Variants in RFX4 observed in about 807,000 individuals in gnomAD.
RFX4 encodes the protein transcription factor RFX4.
RFX4 carries 10 observed loss-of-function variants against 95.0 expected under a neutral mutation model. The observed-to-expected ratio is 0.11, with a 90% CI of 0.06 to 0.18. The LOEUF (loss-of-function observed/expected upper bound fraction) is 0.18. Among genes scored for constraint, RFX4 ranks in the 10% least tolerant of loss-of-function variants. The pLI is 1.00. For synonymous variants in RFX4, 321 were observed against 340.7 expected, an observed-to-expected ratio of 0.94 and a Z score of 0.64; for missense variants, 640 against 922.0, an observed-to-expected ratio of 0.69 and a Z score of 3.96.
intron 3 of RFX4, among the ~76,000 whole-genome samples, chr12:106,647,082 G>A (rs1184746451): frequency 6.6e-6 from 1 of 152,182 alleles, no homozygotes; most frequent in East Asian, 1.9e-4. Flanking sequence ...TTGCTGTCTG[G>A]TGGTGTTATC....
At position 106,715,893 on chromosome 12, in the gene RFX4, G is replaced by A. The variant is rs1280192578; in HGVS notation, c.1138+349G>A. Among the ~76,000 whole-genome samples, 3 of 152,162 alleles carry A rather than the reference G, an allele frequency of 2.0e-5. 1 individual carries two copies. In the South Asian group the frequency reaches 6.2e-4, roughly 32 times the overall value. Reference sequence around the variant, plus strand: ...GCCTCTCTCAGTGTATGTCAGCCTGGGGTCAGCTGGATATGCTGCCTATTT... The same window carrying A: ...GCCTCTCTCAGTGTATGTCAGCCTGAGGTCAGCTGGATATGCTGCCTATTT... On this transcript the variant is annotated intron_variant, in intron 11 of 17. Coordinates refer to ENST00000392842, the MANE Select transcript of RFX4 (RefSeq NM_213594.3).
chr12:106,747,555 C>T lies in RFX4; in HGVS notation c.1752C>T (p.Ser584=), dbSNP rs77713501. 6.4e-5 allele frequency: 103 copies of T among 1,613,934 alleles called. No homozygotes were observed. The highest frequency in any genetic ancestry group is 3.3e-4 in the Middle Eastern group (2 of 6,066). Residue 584 remains serine (S), a synonymous_variant, in exon 16 of 18, where the codon TCC becomes TCT. Transcript: ENST00000392842. ...CMRNTHVPSS[S]VTHRIPVYPH... ...GGAACACTCATGTGCCTTCTTCCTC[C>T]GTCACACACAGGATACCAGTTTATC...
At chr12:106,655,189 A>C (rs1367150381) in intron 4 of RFX4, among the ~76,000 whole-genome samples, 3 of 152,218 alleles carry the variant, frequency 2.0e-5, no homozygotes, top group Non-Finnish European at 2.9e-5. Context: ...GAAAAGACAA[A>C]GAGCCGTGTT....
chr12:106,638,951 C>A (rs1470396803), intron 2 of RFX4, among the ~76,000 whole-genome samples: 2 of 152,100 alleles, frequency 1.3e-5, no homozygotes, highest in Admixed American at 6.6e-5. Flanking sequence ...GGGAGGGTCA[C>A]AAATATTCAG....
intron 7 of RFX4, among the ~76,000 whole-genome samples, chr12:106,693,932 T>C (rs1324402577): frequency 1.3e-5 from 2 of 152,204 alleles, no homozygotes; most frequent in African/African-American, 2.4e-5. Context: ...AAGCACTTTT[T>C]AGAAATCTTC....
At chr12:106,730,618 C>T (rs1487361039) in intron 13 of RFX4, among the ~76,000 whole-genome samples, 1 of 152,024 alleles carries the variant, frequency 6.6e-6, no homozygotes, top group African/African-American at 2.4e-5. Context: ...ACTCAATAAA[C>T]AGTAGATGTG....
At chr12:106,654,399 A>G in intron 4 of RFX4, 48 bp downstream of exon 4, 1 of 1,579,202 alleles carries the variant, frequency 6.3e-7, no homozygotes. Context: ...CCCAACTTTA[A>G]GTAATTTATG....
intron 1 of RFX4, among the ~76,000 whole-genome samples, chr12:106,597,510 T>A (rs528965145): frequency 1.3e-5 from 2 of 152,360 alleles, no homozygotes; most frequent in Non-Finnish European, 2.9e-5. Flanking sequence ...AGGCACCTGA[T>A]GTGCCTTATT....
intron 1 of RFX4, among the ~76,000 whole-genome samples, chr12:106,593,099 G>T (rs1461800534): frequency 6.6e-6 from 1 of 152,112 alleles, no homozygotes; most frequent in Non-Finnish European, 1.5e-5. Flanking sequence ...TTTTCTGGTT[G>T]GTTATTCTTC....
chr12:106,740,518 C>G (rs2137587208), intron 15 of RFX4, among the ~76,000 whole-genome samples: 1 of 151,622 alleles, frequency 6.6e-6, no homozygotes, highest in East Asian at 1.9e-4. Flanking sequence ...TTTTTTGGAT[C>G]ACAAAATCAA....
At chr12:106,731,594 G>A (rs2042611774) in intron 13 of RFX4, among the ~76,000 whole-genome samples, 1 of 152,196 alleles carries the variant, frequency 6.6e-6, no homozygotes, top group Non-Finnish European at 1.5e-5. Flanking sequence ...AAAACATTTA[G>A]GGAAATAAGT....
At position 106,720,628 on chromosome 12, in the gene RFX4, C is replaced by A; in HGVS notation, c.1234-131C>A. On this transcript the variant is annotated intron_variant, in intron 12 of 17. Coordinates refer to ENST00000392842, the MANE Select transcript of RFX4 (RefSeq NM_213594.3). The surrounding 1 kb of genome is among the most constrained non-coding windows in gnomAD (Gnocchi z 4.2). ...CAAACTCCTAGGCTCATGCGATCAT[C>A]CGCCCACCTTGGCCTCCCAAAGTGC... 1 of 794,286 alleles carries A rather than the reference C, an allele frequency of 1.3e-6. No homozygotes were observed. Among genetic ancestry groups the A allele is most frequent in the South Asian group, 1.6e-5 (1 of 63,840 alleles). 49.2% of individuals were successfully genotyped at this position (794,286 alleles called of 1,614,324 possible).
At chr12:106,639,448 C>A in intron 3 of RFX4, 56 bp downstream of exon 3, 1 of 1,460,220 alleles carries the variant, frequency 6.8e-7, no homozygotes, top group Non-Finnish European at 9.6e-7. Context: ...ATCTTCTTGT[C>A]TATAGGATAG....
intron 1 of RFX4, among the ~76,000 whole-genome samples, chr12:106,590,797 A>C (rs2039528467): frequency 6.6e-6 from 1 of 152,134 alleles, no homozygotes; most frequent in South Asian, 2.1e-4. Context: ...AATTTAAAAA[A>C]TTAGACGGAC....
At chr12:106,674,871 A>G (rs887239564) in intron 4 of RFX4, among the ~76,000 whole-genome samples, 12 of 152,140 alleles carry the variant, frequency 7.9e-5, no homozygotes, top group Non-Finnish European at 1.2e-4. Context: ...GCTTTGTACC[A>G]TTAGCCAACC....
chr12:106,648,635 T>C (rs1379588970), intron 3 of RFX4, among the ~76,000 whole-genome samples: 1 of 150,694 alleles, frequency 6.6e-6, no homozygotes, highest in Non-Finnish European at 1.5e-5. Context: ...GGTTTTTTTT[T>C]TTTTTTTTTG....
intron 4 of RFX4, among the ~76,000 whole-genome samples, chr12:106,654,739 G>A (rs1169520676): frequency 1.3e-5 from 2 of 152,194 alleles, no homozygotes; most frequent in Non-Finnish European, 2.9e-5. Flanking sequence ...GATTGGAGGT[G>A]TGGGAGTCCT....
At chr12:106,682,673 T>C (rs2137401613) in intron 5 of RFX4, 1 of 152,412 alleles carries the variant, frequency 6.6e-6, no homozygotes, top group South Asian at 2.1e-4. Flanking sequence ...GAGAATCAGA[T>C]TGTGACAAAG....
Position 106,737,162 on chromosome 12 carries a change from GTTTTTTTTTTTTTTTTTTTT to G in RFX4, c.1633+4098_1633+4117del, listed in dbSNP as rs556116618. On this transcript the variant is annotated intron_variant, in intron 15 of 17. Coordinates refer to ENST00000392842, the MANE Select transcript of RFX4 (RefSeq NM_213594.3). ...TTTCCAGAATAGACTCGGAACTAAA[GTTTTTTTTTTTTTTTTTTTT>G]TTTTTTTTTTTTTTTTTTTTGAGGA... Among the ~76,000 whole-genome samples the G allele has an allele frequency of 4.8e-3, 266 of 54,930 alleles. 1 individual carries two copies. Among genetic ancestry groups the G allele is most frequent in the African/African-American group, 0.011 (177 of 15,994 alleles). The allele number at this position is 54,930 out of a possible 152,430, so 36.0% of individuals were successfully genotyped here.
Sources: allele counts gnomAD v4.1 joint callset (sites outside exome capture counted in the v4.1 genomes callset), GRCh38; gene constraint gnomAD v4.1.1; non-coding constraint Gnocchi (gnomAD v3.1); transcripts MANE v1.5; gene names NCBI Gene and HGNC (gene_info 2026-07-23, HGNC 2026-07-21).